The following RAD54L variants were observed in gnomAD, a reference collection of about 807,000 sequenced individuals.
The protein encoded by RAD54L is DNA repair and recombination protein RAD54-like.
In RAD54L, 74 loss-of-function variants were observed where a neutral mutation model predicts 91.6. The ratio of observed to expected loss-of-function variants is 0.81; its 90% CI spans 0.67 to 0.98. The LOEUF (loss-of-function observed/expected upper bound fraction) is 0.98. Ranked by LOEUF, RAD54L falls within the 50% of genes least tolerant of loss-of-function variation. The pLI is 0.00. For synonymous variants in RAD54L, 304 were observed against 349.7 expected, an observed-to-expected ratio of 0.87 and a Z score of 1.46; for missense variants, 887 against 945.7, an observed-to-expected ratio of 0.94 and a Z score of 0.81.
In RAD54L at chr1:46,260,091, G is replaced by C. The variant is rs763413573; in HGVS notation, c.399G>C (p.Lys133Asn). 1 of 1,614,234 alleles carries C rather than the reference G, an allele frequency of 6.2e-7. No individual in the cohort carries two copies. The highest frequency in any genetic ancestry group is 8.5e-7 in the Non-Finnish European group (1 of 1,180,040). ...PPPLSAHDQL[K>N]LDKEKLPVHV... ...CGCTGAGCGCTCATGACCAGCTGAA[G>C]CTTGACAAGTATGTGCACTGGTATT... Residue 133 changes from lysine (K) to asparagine (N), a missense_variant, in exon 5 of 18, where the codon AAG (lysine) becomes AAC (asparagine). By Grantham distance (94) the Lys-to-Asn change is moderately conservative. Transcript: ENST00000371975.
At position 46,265,054 on chromosome 1, in the gene RAD54L, T is replaced by G. The variant is rs1009540874; in HGVS notation, c.892-2405T>G. On this transcript the variant is annotated intron_variant, in intron 8 of 17. Coordinates refer to ENST00000371975, the MANE Select transcript of RAD54L (RefSeq NM_003579.4). The surrounding 1 kb of genome is among the most constrained non-coding windows in gnomAD (Gnocchi z 4.8). ...GGAGCTTCAGTTTAGAAGATCTAAT[T>G]GTTGGTGCCCATTTCCCCTGGACCT... Among the ~76,000 whole-genome samples the G allele has an allele frequency of 4.6e-5, 7 of 152,340 alleles. No individual in the cohort carries two copies. In the East Asian group the frequency reaches 1.2e-3, roughly 25 times the overall value.
intron 3 of RAD54L, among the ~76,000 whole-genome samples, chr1:46,252,818 C>T (rs1557698322): frequency 1.3e-5 from 2 of 152,138 alleles, no homozygotes; most frequent in African/African-American, 2.4e-5. Context: ...CACCTGTAAT[C>T]CCAGCACTTT....
intron 8 of RAD54L, among the ~76,000 whole-genome samples, chr1:46,266,956 A>C (rs572574540): frequency 5.3e-5 from 8 of 152,302 alleles, no homozygotes; most frequent in Non-Finnish European, 1.0e-4. Context: ...TATTCTCCAT[A>C]GTTAAGTGGG....
intron 8 of RAD54L, among the ~76,000 whole-genome samples, chr1:46,266,595 A>T (rs1255585708): frequency 6.6e-6 from 1 of 152,162 alleles, no homozygotes; most frequent in African/African-American, 2.4e-5. Context: ...ATTGGGGAAG[A>T]GATGTGAAGG....
intron 3 of RAD54L, among the ~76,000 whole-genome samples, chr1:46,256,749 ATGT>A (rs1310644775): frequency 6.6e-6 from 1 of 152,082 alleles, no homozygotes; most frequent in Admixed American, 6.6e-5. Flanking sequence ...ATTTAGTGTG[ATGT>A]TGTCATGTTA....
rs927553922 is a variant in RAD54L, at chr1:46,277,365, T to A, written c.1870-452T>A. On this transcript the variant is annotated intron_variant, in intron 16 of 17. Coordinates refer to ENST00000371975, the MANE Select transcript of RAD54L (RefSeq NM_003579.4). ...CGCAGTTACCCTGTATAGATTTCTA[T>A]CATTGTATCAACTGTTTAAATGTTT... 3.4e-5 allele frequency: 8 copies of A among 231,912 alleles called. No individual in the cohort carries two copies. The Admixed American group carries it at 4.2e-4, about 12-fold the overall frequency. 14.4% of individuals were successfully genotyped at this position (231,912 alleles called of 1,614,324 possible).
At chr1:46,272,186 G>C (rs569823752) in intron 10 of RAD54L, among the ~76,000 whole-genome samples, 1 of 151,718 alleles carries the variant, frequency 6.6e-6, no homozygotes, top group South Asian at 2.1e-4. Flanking sequence ...GGGTTTACAG[G>C]TGCCTGCCAC....
rs576146179 is a variant in RAD54L at position 46,257,143 on chromosome 1, CAAAA to C, written c.211-1526_211-1523del. Among the ~76,000 whole-genome samples, 5 of 54,412 alleles carry C rather than the reference CAAAA, an allele frequency of 9.2e-5. No homozygotes were observed. The Admixed American group carries it at 9.4e-4, about 10-fold the overall frequency. The allele number at this position is 54,412 out of a possible 152,430, so 35.7% of individuals were successfully genotyped here. A position where few individuals can be genotyped will look rare whatever the true frequency, so the allele number is the denominator to read the frequency against. ...TGGGCAACAGAGCAAGACTCCATCT[CAAAA>C]AAAAAAAAAAAAAAAACCCCAAAAA... On this transcript the variant is annotated intron_variant, in intron 3 of 17. Transcript: ENST00000371975.
chr1:46,250,436 T>C (rs1204487971), intron 3 of RAD54L, among the ~76,000 whole-genome samples: 1 of 152,220 alleles, frequency 6.6e-6, no homozygotes, highest in Non-Finnish European at 1.5e-5. Context: ...ACCAGAGTCA[T>C]GTATTTCCTC....
intron 17 of RAD54L, 23 bp downstream of exon 17, chr1:46,278,003 A>AGG (rs1660667785): frequency 6.2e-7 from 1 of 1,614,010 alleles, no homozygotes; most frequent in South Asian, 1.1e-5. Flanking sequence ...CCTAACCATT[A>AGG]TCTCTAAGCT....
intron 9 of RAD54L, among the ~76,000 whole-genome samples, chr1:46,268,642 C>T (rs1371966875): frequency 6.6e-6 from 1 of 152,184 alleles, no homozygotes; most frequent in East Asian, 1.9e-4. Flanking sequence ...AGTATGTATT[C>T]CTTTACATCT....
chr1:46,257,978 G>A (rs1054022655), intron 3 of RAD54L, among the ~76,000 whole-genome samples: 3 of 152,186 alleles, frequency 2.0e-5, no homozygotes, highest in Non-Finnish European at 4.4e-5. Flanking sequence ...TAACATGAAT[G>A]CAAGAGGCTT....
At chr1:46,249,943 C>T in intron 2 of RAD54L, 57 bp from the exon 3 acceptor site, 1 of 1,592,052 alleles carries the variant, frequency 6.3e-7, no homozygotes, top group Non-Finnish European at 8.6e-7. Context: ...TGTTAGTTGC[C>T]ATTATGGTGA....
At chr1:46,250,489 A>G (rs1185024842) in intron 3 of RAD54L, among the ~76,000 whole-genome samples, 2 of 152,186 alleles carry the variant, frequency 1.3e-5, no homozygotes, top group Non-Finnish European at 2.9e-5. Context: ...GGTTCTGTGC[A>G]TTGCCTCATG....
intron 3 of RAD54L, among the ~76,000 whole-genome samples, chr1:46,252,045 C>T (rs1165639342): frequency 6.6e-6 from 1 of 152,162 alleles, no homozygotes; most frequent in African/African-American, 2.4e-5. Flanking sequence ...ACCTATGGGT[C>T]TGGAGATTGG....
In RAD54L at chr1:46,265,204, C is replaced by T. The variant is rs77030745; in HGVS notation, c.892-2255C>T. 2.9e-3 allele frequency among the ~76,000 whole-genome samples: 436 copies of T among 152,076 alleles called. 1 individual carries two copies. Among genetic ancestry groups the T allele is most frequent in the African/African-American group, 9.9e-3 (412 of 41,498 alleles). ...TTTTTTCTTAATTAAATTTCTAGGC[C>T]AAATGCGGTGGCTTACACCTGTAAT... is the stretch of plus-strand genomic sequence containing the variant. On this transcript the variant is annotated intron_variant, in intron 8 of 17. Coordinates refer to ENST00000371975, the MANE Select transcript of RAD54L (RefSeq NM_003579.4). This position sits in a 1 kb window ranked among gnomAD's most constrained non-coding sequence, Gnocchi z 4.8.
chr1:46,260,582 A>G lies in RAD54L; in HGVS notation c.448A>G (p.Ser150Gly). 3.1e-6 allele frequency: 5 copies of G among 1,614,068 alleles called. No individual in the cohort carries two copies. The highest frequency in any genetic ancestry group is 1.1e-5 in the South Asian group (1 of 91,078). The change falls in exon 6 of 18, where the codon AGT becomes GGT. Residue 150 changes from serine (S) to glycine (G), a missense_variant. Physicochemically the swap from Ser to Gly is moderately conservative, Grantham distance 56 (BLOSUM62 0). Coordinates refer to ENST00000371975, the MANE Select transcript of RAD54L (RefSeq NM_003579.4). ...CCATGTGGTTGTTGACCCTATTCTCAGTAAGGTTTTGCGGCCTCATCAGAG... is the reference window on the plus strand; with the variant it reads ...CCATGTGGTTGTTGACCCTATTCTCGGTAAGGTTTTGCGGCCTCATCAGAG... ...PVHVVVDPIL[S>G]KVLRPHQREG...
rs767861400 is a variant in RAD54L at position 46,250,134 on chromosome 1, C to T, written c.210+15C>T. The T allele has an allele frequency of 4.3e-6, 7 of 1,614,056 alleles. No individual in the cohort carries two copies. In the East Asian group the frequency reaches 1.6e-4, roughly 36 times the overall value. On this transcript the variant is annotated intron_variant, in intron 3 of 17. Transcript: ENST00000371975. ...GCAGTCAGCATGTAAGCCAGAACTG[C>T]AACCTGCATGTGTATGTCTGTGCCC...
At position 46,277,856 on chromosome 1, in the gene RAD54L, C is replaced by T. The variant is rs765850609; in HGVS notation, c.1909C>T (p.His637Tyr). Residue 637 changes from histidine to tyrosine, a missense_variant, in exon 17 of 18, where the codon CAC becomes TAC. Coordinates refer to ENST00000371975, the MANE Select transcript of RAD54L (RefSeq NM_003579.4). The part of the protein sequence containing the change: ...IEEKIFQRQS[H>Y]KKALSSCVVD... ...GGAGAAGATCTTCCAGCGTCAGAGC[C>T]ACAAGAAGGCACTGAGCAGCTGTGT... 6.2e-7 allele frequency: 1 copy of T among 1,613,296 alleles called. No homozygotes were observed. Among genetic ancestry groups the T allele is most frequent in the Non-Finnish European group, 8.5e-7 (1 of 1,179,406 alleles).
Sources: allele counts gnomAD v4.1 joint callset (sites outside exome capture counted in the v4.1 genomes callset), GRCh38; gene constraint gnomAD v4.1.1; non-coding constraint Gnocchi (gnomAD v3.1); transcripts MANE v1.5; gene names NCBI Gene and HGNC (gene_info 2026-07-23, HGNC 2026-07-21).